The following RAB2A variants were observed in gnomAD, a reference collection of about 807,000 sequenced individuals.
RAB2A encodes RAB2A, member RAS oncogene family.
RAB2A carries 7 observed loss-of-function variants against 32.5 expected under a neutral mutation model. That is an observed-to-expected ratio of 0.22 (90% CI 0.12 to 0.40). RAB2A has a LOEUF of 0.40. Ranked by LOEUF, RAB2A falls within the 10% of genes least tolerant of loss-of-function variation. RAB2A has a pLI of 1.00. For synonymous variants in RAB2A, 79 were observed against 85.2 expected, an observed-to-expected ratio of 0.93 and a Z score of 0.40; for missense variants, 108 against 260.7, an observed-to-expected ratio of 0.41 and a Z score of 4.03.
chr8:60,560,576 A>G (rs1202456780), intron 2 of RAB2A, among the ~76,000 whole-genome samples: 9 of 152,158 alleles, frequency 5.9e-5, no homozygotes, highest in African/African-American at 2.2e-4. Context: ...CTAAGTTGGT[A>G]TGGCACACCG....
intron 1 of RAB2A, among the ~76,000 whole-genome samples, chr8:60,556,763 A>G (rs1293046761): frequency 2.0e-5 from 3 of 152,128 alleles, no homozygotes; most frequent in South Asian, 4.1e-4. Context: ...TAGTATTACT[A>G]GAGTGATATA....
chr8:60,601,053 T>A (rs544741333), intron 6 of RAB2A, among the ~76,000 whole-genome samples: 2 of 152,288 alleles, frequency 1.3e-5, no homozygotes. Flanking sequence ...ACTGATTGAG[T>A]CCTTTAACAC....
chr8:60,602,054 T>C (rs933264178), intron 6 of RAB2A, among the ~76,000 whole-genome samples: 5 of 152,020 alleles, frequency 3.3e-5, no homozygotes, highest in Non-Finnish European at 5.9e-5. Flanking sequence ...AATTTTTTTT[T>C]TTTTGTAGAG....
At chr8:60,578,423 G>A (rs1803678800) in intron 3 of RAB2A, among the ~76,000 whole-genome samples, 1 of 152,218 alleles carries the variant, frequency 6.6e-6, no homozygotes, top group African/African-American at 2.4e-5. Context: ...AGGGGCTTGA[G>A]CTGGTCCTCA....
intron 5 of RAB2A, among the ~76,000 whole-genome samples, chr8:60,588,220 C>T (rs1394718108): frequency 1.3e-5 from 2 of 152,096 alleles, no homozygotes; most frequent in Non-Finnish European, 2.9e-5. Context: ...GAGGTCAAGG[C>T]TGCAGTGAGC....
At chr8:60,548,909 C>A (rs1409285110) in intron 1 of RAB2A, among the ~76,000 whole-genome samples, 2 of 142,796 alleles carry the variant, frequency 1.4e-5, no homozygotes, top group East Asian at 2.2e-4. Flanking sequence ...CAGAGGGGCT[C>A]CTCACTTCTC....
chr8:60,529,105 C>A (rs1280250665), intron 1 of RAB2A, among the ~76,000 whole-genome samples: 1 of 150,268 alleles, frequency 6.7e-6, no homozygotes, highest in Non-Finnish European at 1.5e-5. Context: ...TTTTCTTTGT[C>A]TTTTTCTTCT....
At chr8:60,521,053 C>T (rs962425179) in intron 1 of RAB2A, among the ~76,000 whole-genome samples, 8 of 152,306 alleles carry the variant, frequency 5.3e-5, no homozygotes, top group Non-Finnish European at 1.0e-4. Context: ...TGGGCTTAAG[C>T]CATCCTCCCA....
intron 1 of RAB2A, among the ~76,000 whole-genome samples, chr8:60,546,850 G>A (rs1462656060): frequency 6.7e-6 from 1 of 149,884 alleles, no homozygotes; most frequent in African/African-American, 2.5e-5. Context: ...TGTGAGGCCT[G>A]AGCATCAGTT....
At chr8:60,591,641 C>T in intron 5 of RAB2A, 2 of 385,176 alleles carry the variant, frequency 5.2e-6, no homozygotes, top group Non-Finnish European at 9.6e-6. Flanking sequence ...AAAGCTCTAA[C>T]ACAGAATCTT....
At chr8:60,581,564 A>C (rs1458034856) in intron 3 of RAB2A, among the ~76,000 whole-genome samples, 3 of 152,198 alleles carry the variant, frequency 2.0e-5, no homozygotes, top group African/African-American at 7.2e-5. Flanking sequence ...AGAAAGCAAA[A>C]CCTCAAATAA....
At chr8:60,589,788 G>T (rs1032983661) in intron 5 of RAB2A, among the ~76,000 whole-genome samples, 1 of 152,048 alleles carries the variant, frequency 6.6e-6, no homozygotes, top group Admixed American at 6.6e-5. Context: ...TGAGTTTTTT[G>T]ATTTGACCTA....
At chr8:60,539,501 T>G (rs1807606550) in intron 1 of RAB2A, among the ~76,000 whole-genome samples, 1 of 152,240 alleles carries the variant, frequency 6.6e-6, no homozygotes. Flanking sequence ...TACACAGGAT[T>G]CAAATCTAGC....
intron 1 of RAB2A, among the ~76,000 whole-genome samples, chr8:60,551,160 C>T (rs1807841889): frequency 6.6e-6 from 1 of 152,182 alleles, no homozygotes; most frequent in Non-Finnish European, 1.5e-5. Context: ...TCTGCTTTTT[C>T]TTTTTACCAT....
chr8:60,525,215 T>C (rs560462654), intron 1 of RAB2A, among the ~76,000 whole-genome samples: 5 of 152,342 alleles, frequency 3.3e-5, no homozygotes, highest in African/African-American at 9.6e-5. Context: ...GATTGGATCA[T>C]GGGGTCAGTT....
chr8:60,517,359 T>C, intron 1 of RAB2A, 106 bp downstream of exon 1: 1 of 1,072,394 alleles, frequency 9.3e-7, no homozygotes, highest in Non-Finnish European at 1.3e-6. Flanking sequence ...ACCCGGCGCC[T>C]CCCTCCTGGC....
chr8:60,598,523 A>T (rs1232751480), intron 6 of RAB2A, among the ~76,000 whole-genome samples: 1 of 148,218 alleles, frequency 6.7e-6, no homozygotes, highest in African/African-American at 2.6e-5. Flanking sequence ...AATTTCAACA[A>T]TATACGAAAT....
chr8:60,526,408 T>C (rs946165810), intron 1 of RAB2A, among the ~76,000 whole-genome samples: 3 of 152,154 alleles, frequency 2.0e-5, no homozygotes, highest in African/African-American at 7.2e-5. Context: ...TTGTGTCTCA[T>C]CTTTCTTGTT....
At chr8:60,606,816 C>T (rs1320272456) in intron 6 of RAB2A, among the ~76,000 whole-genome samples, 1 of 152,250 alleles carries the variant, frequency 6.6e-6, no homozygotes, top group African/African-American at 2.4e-5. Context: ...AAGCAGTGTC[C>T]TGAGGCAACA....
Sources: gnomAD v4.1 joint callset for allele counts (sites outside exome capture counted in the v4.1 genomes callset) on GRCh38, gnomAD v4.1.1 for gene constraint, MANE v1.5 for transcripts, NCBI Gene and HGNC (gene_info 2026-07-23, HGNC 2026-07-21) for gene names.